Variants in NFX1 observed in about 807,000 individuals in gnomAD.
The protein encoded by NFX1 is transcriptional repressor NF-X1.
Under a neutral mutation model 137.2 loss-of-function variants are expected in NFX1, and 69 were observed. The observed-to-expected ratio is 0.50, with a 90% confidence interval of 0.41 to 0.61. NFX1 has a LOEUF of 0.61. Among genes scored for constraint, NFX1 ranks in the 20% least tolerant of loss-of-function variants. NFX1 has a pLI of 0.00. For synonymous variants in NFX1, 495 were observed against 474.1 expected (o/e 1.04, Z -0.57); for missense variants, 1,167 against 1,391.0 (o/e 0.84, Z 2.56).
intron 11 of NFX1, 120 bp downstream of exon 11, chr9:33,332,622 G>A: frequency 4.7e-6 from 3 of 643,100 alleles, no homozygotes; most frequent in South Asian, 2.4e-5. Context: ...TAAGATTTGT[G>A]GTATAACTTT....
At chr9:33,351,006 T>C (rs1188166878) in intron 15 of NFX1, among the ~76,000 whole-genome samples, 1 of 152,142 alleles carries the variant, frequency 6.6e-6, no homozygotes, top group Non-Finnish European at 1.5e-5. Flanking sequence ...TAGCTGGTCG[T>C]GGTGGTACAC....
chr9:33,320,837 A>T (rs568580876), intron 9 of NFX1, among the ~76,000 whole-genome samples: 1 of 152,346 alleles, frequency 6.6e-6, no homozygotes, highest in African/African-American at 2.4e-5. Context: ...TTTCCATTTC[A>T]TCAAAAGGAG....
chr9:33,351,894 G>T (rs948789782), intron 16 of NFX1, 104 bp downstream of exon 16: 20 of 998,750 alleles, frequency 2.0e-5, no homozygotes, highest in Non-Finnish European at 2.7e-5. Flanking sequence ...TTAATTAAGG[G>T]TCATTGGTTG....
Position 33,369,966 on chromosome 9 carries a change from C to T in NFX1, c.3351C>T (p.Asp1117=), listed in dbSNP as rs201337993. ...AGGAGCCAATAATTGACTATTTTGA[C>T]GTCCAGGACTAAGAAGATCATGATG... ...ITKEPIIDYF[D]VQD The change falls in exon 24 of 24, where the codon GAC becomes GAT. Residue 1117 remains aspartate (D), a synonymous_variant. Coordinates refer to ENST00000379540, the MANE Select transcript of NFX1 (RefSeq NM_002504.6). The T allele has an allele frequency of 9.3e-6, 15 of 1,611,904 alleles. 1 individual carries two copies. Among genetic ancestry groups the T allele is most frequent in the Middle Eastern group, 1.7e-4 (1 of 6,056 alleles).
intron 19 of NFX1, among the ~76,000 whole-genome samples, chr9:33,358,401 G>A (rs141860211): frequency 4.2e-3 from 639 of 152,140 alleles, no homozygotes; most frequent in South Asian, 0.021. Context: ...TGGGATTACA[G>A]GCATGAGCCA....
intron 15 of NFX1, chr9:33,347,680 G>A (rs764686786): frequency 5.6e-5 from 24 of 430,404 alleles, no homozygotes; most frequent in Middle Eastern, 7.3e-4. Flanking sequence ...ACTACTGGGC[G>A]TCTACCCAGA....
In NFX1 at chr9:33,338,502, C is replaced by T; in HGVS notation, c.2036-8C>T. 1 of 1,605,086 alleles carries T rather than the reference C, an allele frequency of 6.2e-7. No homozygotes were observed. The highest frequency in any genetic ancestry group is 1.4e-5 in the African/African-American group (1 of 74,022). ...GGTTTTTTTTTTCTTTTTAATTTGC[C>T]ACAGCAGATGCTACATTTATGTGTG... On this transcript the variant is annotated splice_polypyrimidine_tract_variant and splice_region_variant and intron_variant, in intron 11 of 23. Transcript: ENST00000379540.
In NFX1 at chr9:33,315,225, C is replaced by CA. The variant is rs60137205; in HGVS notation, c.1588+1448dup. 8.2e-3 allele frequency among the ~76,000 whole-genome samples: 740 copies of CA among 90,644 alleles called. 4 individuals are homozygous for CA. Among genetic ancestry groups the CA allele is most frequent in the Middle Eastern group, 0.014 (2 of 146 alleles). The allele number at this position is 90,644 out of a possible 152,430, so 59.5% of individuals were successfully genotyped here. On this transcript the variant is annotated intron_variant, in intron 7 of 23. Transcript: ENST00000379540. ...GGGCAACAAGAGCGGAACTCTGTCT[C>CA]AAAAAAAAAAAAAAAAGGAATCTAG... is the stretch of plus-strand genomic sequence containing the variant.
chr9:33,306,542 T>G (rs1821758734), intron 4 of NFX1, among the ~76,000 whole-genome samples: 1 of 152,126 alleles, frequency 6.6e-6, no homozygotes, highest in South Asian at 2.1e-4. Flanking sequence ...GCAGAGGCCA[T>G]GGACTGGGGA....
chr9:33,345,026 G>A (rs1040922519), intron 14 of NFX1, among the ~76,000 whole-genome samples: 29 of 151,878 alleles, frequency 1.9e-4, no homozygotes, highest in African/African-American at 6.1e-4. Context: ...GCCAGGCATT[G>A]TGGCGGGCAC....
intron 11 of NFX1, among the ~76,000 whole-genome samples, chr9:33,334,436 C>G (rs570613416): frequency 1.3e-5 from 2 of 152,176 alleles, no homozygotes; most frequent in South Asian, 4.2e-4. Flanking sequence ...ATCCTGGTGA[C>G]AGAGCGAGAC....
intron 12 of NFX1, 128 bp downstream of exon 12, chr9:33,338,717 G>T (rs1823106444): frequency 1.3e-6 from 1 of 771,074 alleles, no homozygotes. Flanking sequence ...GCAGCAGTCA[G>T]AGAGCTCTCA....
chr9:33,369,135 A>G (rs1255126673), intron 23 of NFX1, among the ~76,000 whole-genome samples: 2 of 151,366 alleles, frequency 1.3e-5, no homozygotes, highest in Non-Finnish European at 2.9e-5. Context: ...GCGCGATCTC[A>G]GCTCACTGCA....
chr9:33,352,643 C>A lies in NFX1; in HGVS notation c.2656-3C>A. The A allele has an allele frequency of 6.2e-7, 1 of 1,613,934 alleles. No individual in the cohort carries two copies. The highest frequency in any genetic ancestry group is 8.5e-7 in the Non-Finnish European group (1 of 1,179,798). ...AAGTCGTTCCATGTTCATCTGACTT[C>A]AGGTAGAGCTACAGTGTGAATGTGG... On this transcript the variant is annotated splice_polypyrimidine_tract_variant and splice_region_variant and intron_variant, in intron 16 of 23. Coordinates refer to ENST00000379540, the MANE Select transcript of NFX1 (RefSeq NM_002504.6).
intron 14 of NFX1, among the ~76,000 whole-genome samples, chr9:33,345,087 G>T (rs565729586): frequency 6.6e-6 from 1 of 152,144 alleles, no homozygotes; most frequent in African/African-American, 2.4e-5. Flanking sequence ...GTTTGAATCC[G>T]GGAGGCAGAG....
intron 9 of NFX1, among the ~76,000 whole-genome samples, chr9:33,325,777 T>C (rs1822562110): frequency 6.6e-6 from 1 of 152,186 alleles, no homozygotes; most frequent in Admixed American, 6.5e-5. Context: ...CAGACTTGCC[T>C]TACAGTAAGT....
chr9:33,354,990 C>A (rs542962193), intron 19 of NFX1, 98 bp downstream of exon 19: 2 of 1,137,830 alleles, frequency 1.8e-6, no homozygotes, highest in Non-Finnish European at 2.6e-6. Flanking sequence ...CTCAGCACTG[C>A]GCTGCGTCTT....
chr9:33,354,335 C>T lies in NFX1; in HGVS notation c.2831+148C>T, dbSNP rs1564144559. On this transcript the variant is annotated intron_variant, in intron 18 of 23. Transcript: ENST00000379540. ...AGACAATTTGATGTTGAGACATCTG[C>T]TCCATCCCCAATGAATCCTACTCAG... 6 of 688,750 alleles carry T rather than the reference C, an allele frequency of 8.7e-6. No homozygotes were observed. In the East Asian group the frequency reaches 1.7e-4, roughly 20 times the overall value. 42.7% of individuals were successfully genotyped at this position (688,750 alleles called of 1,614,324 possible).
chr9:33,357,906 G>A (rs1823864972), intron 19 of NFX1, among the ~76,000 whole-genome samples: 1 of 151,752 alleles, frequency 6.6e-6, no homozygotes, highest in African/African-American at 2.4e-5. Flanking sequence ...AAACCTGCTG[G>A]GATTTTGATT....
Sources: gnomAD v4.1 joint callset for allele counts (sites outside exome capture counted in the v4.1 genomes callset) on GRCh38, gnomAD v4.1.1 for gene constraint, MANE v1.5 for transcripts, NCBI Gene and HGNC (gene_info 2026-07-23, HGNC 2026-07-21) for gene names.